Variants in MBD4 observed in about 807,000 individuals in gnomAD.
MBD4 encodes the protein methyl-CpG binding domain 4, DNA glycosylase.
Under a neutral mutation model 60.2 loss-of-function variants are expected in MBD4, and 53 were observed. That is an observed-to-expected ratio of 0.88 (90% confidence interval 0.71 to 1.11). MBD4 has a LOEUF of 1.11. Among genes scored for constraint, MBD4 ranks in the 50% least tolerant of loss-of-function variants. The pLI, the probability that MBD4 is intolerant of heterozygous loss-of-function variation, is 0.00. For missense variants in MBD4, 619 were observed against 674.0 expected, an observed-to-expected ratio of 0.92 and a Z score of 0.90; for synonymous variants, 231 against 229.8, an observed-to-expected ratio of 1.01 and a Z score of -0.05.
chr3:129,436,723 G>A lies in MBD4; in HGVS notation c.921C>T (p.Asn307=), dbSNP rs1165572864. Reference sequence around the variant, plus strand: ...ATCTTTCTTTTTTTTTTACAAGGCTGTTTTCTTCACTGGTCACACTGAGGG... The same window carrying A: ...ATCTTTCTTTTTTTTTTACAAGGCTATTTTCTTCACTGGTCACACTGAGGG... The part of the protein sequence containing the change: ...GETLSVTSEE[N]SLVKKKERSL... Residue 307 remains asparagine, a synonymous_variant, in exon 3 of 8, where the codon AAC becomes AAT. Coordinates refer to ENST00000429544, the MANE Select transcript of MBD4 (RefSeq NM_001276270.2). The A allele has an allele frequency of 6.2e-7, 1 of 1,613,630 alleles. No individual in the cohort carries two copies. The highest frequency in any genetic ancestry group is 1.3e-5 in the African/African-American group (1 of 74,914).
intron 7 of MBD4, 151 bp from the exon 8 acceptor site, chr3:129,431,729 T>C (rs1457301918): frequency 1.5e-5 from 10 of 673,138 alleles, no homozygotes; most frequent in Middle Eastern, 4.0e-4. Context: ...CTGGGATTCA[T>C]GAATATTTTA....
rs1446658169 is a variant in MBD4 at position 129,434,094 on chromosome 3, C to A, written c.1226G>T (p.Ser409Ile). ...PRTQIERRKTSLYFSSKYNKE... is the reference protein window; with the variant it reads ...PRTQIERRKTILYFSSKYNKE... ...GTTATATTTGCTGGAAAAATACAGG[C>A]TTGTTTTCCTTCTTTCTATCTGTGT... Residue 409 changes from serine to isoleucine, a missense_variant, in exon 4 of 8, where the codon AGC becomes ATC. Transcript: ENST00000429544. 6.2e-7 allele frequency: 1 copy of A among 1,613,974 alleles called. No homozygotes were observed.
intron 3 of MBD4, 24 bp from the exon 4 acceptor site, chr3:129,434,160 T>C: frequency 3.8e-6 from 6 of 1,566,534 alleles, no homozygotes; most frequent in Non-Finnish European, 5.3e-6. Context: ...GTAAACACTT[T>C]ATGGAGTCTA....
chr3:129,432,667 G>A (rs575263006), intron 6 of MBD4, 61 bp from the exon 7 acceptor site: 2 of 1,476,160 alleles, frequency 1.4e-6, no homozygotes, highest in Middle Eastern at 1.7e-4. Context: ...CCCAAAATGT[G>A]TGGTGATGGG....
chr3:129,436,933 AAT>A lies in MBD4; in HGVS notation c.709_710del (p.Ile237PhefsTer7). On this transcript the variant is annotated frameshift_variant, in exon 3 of 8. Transcript: ENST00000429544. LOFTEE classifies it high-confidence loss of function. The part of the protein sequence containing the change: ...KVRKPKGKVT[I>X]LKGIPIKKTK... Reference sequence around the variant, plus strand: ...TTTTCTTAATTGGGATTCCTTTCAAAATAGTCACCTTTCCTTTGGGCTTTCTA... The same window carrying A: ...TTTTCTTAATTGGGATTCCTTTCAAAAGTCACCTTTCCTTTGGGCTTTCTA... The A allele has an allele frequency of 6.2e-7, 1 of 1,614,166 alleles. No individual in the cohort carries two copies. The highest frequency in any genetic ancestry group is 8.5e-7 in the Non-Finnish European group (1 of 1,180,040).
chr3:129,437,145 G>A lies in MBD4; in HGVS notation c.499C>T (p.Leu167=), dbSNP rs1190450465. The change falls in exon 3 of 8, where the codon CTA becomes TTA. Residue 167 remains leucine (L), a synonymous_variant. Coordinates refer to ENST00000429544, the MANE Select transcript of MBD4 (RefSeq NM_001276270.2). Reference sequence around the variant, plus strand: ...TTTGAATTGTTACTTTGGTTTTGTAGATGGGATGTCAGGGCTGCCATGCTG... The same window carrying A: ...TTTGAATTGTTACTTTGGTTTTGTAAATGGGATGTCAGGGCTGCCATGCTG... ...DCSMAALTSH[L]QNQSNNSNWN... is the part of the protein sequence containing the mutation. 2 of 1,614,050 alleles carry A rather than the reference G, an allele frequency of 1.2e-6. No individual in the cohort carries two copies. Among genetic ancestry groups the A allele is most frequent in the African/African-American group, 1.3e-5 (1 of 75,038 alleles).
At chr3:129,437,413 A>C (rs1054174079) in intron 2 of MBD4, 105 bp from the exon 3 acceptor site, 1 of 913,058 alleles carries the variant, frequency 1.1e-6, no homozygotes, top group Non-Finnish European at 1.7e-6. Flanking sequence ...ATGTTGCCAT[A>C]GGTATCTGTC....
At chr3:129,432,120 G>C (rs1221061542) in intron 7 of MBD4, 1 of 1,196,660 alleles carries the variant, frequency 8.4e-7, no homozygotes, top group East Asian at 4.7e-5. Flanking sequence ...CGTAGTCTGA[G>C]ACCACTAAGA....
chr3:129,434,003 T>A lies in MBD4; in HGVS notation c.1259-19A>T. ...CTAAGAGCTAAACAAACATAGTGCA[T>A]CAGAATTGAAAACCCAAAATGGAAT... is the stretch of plus-strand genomic sequence containing the variant. On this transcript the variant is annotated intron_variant, in intron 4 of 7. Coordinates refer to ENST00000429544, the MANE Select transcript of MBD4 (RefSeq NM_001276270.2). The A allele has an allele frequency of 6.2e-7, 1 of 1,614,152 alleles. No individual in the cohort carries two copies. Among genetic ancestry groups the A allele is most frequent in the Non-Finnish European group, 8.5e-7 (1 of 1,180,004 alleles).
At chr3:129,433,338 GT>G (rs1186935515) in intron 5 of MBD4, 91 bp from the exon 6 acceptor site, 18,212 of 1,001,042 alleles carry the variant, frequency 0.018, 2 homozygotes, top group Non-Finnish European at 0.02. Flanking sequence ...CATCCAGAGG[GT>G]TTTTTTTTTT....
In MBD4 at chr3:129,437,720, C is replaced by G; in HGVS notation, c.335G>C (p.Ser112Thr). ...TAGRFDVYFISPQGLKFRSKS... is the reference protein window; with the variant it reads ...TAGRFDVYFITPQGLKFRSKS... ...TATCTTTACCATCTTATATGCTTAC[C>G]TGATAAAGTACACATCAAATCTTCC... Residue 112 changes from serine to threonine, a missense_variant and splice_region_variant, in exon 2 of 8, where the codon AGC becomes ACC. Ser to Thr is a moderately conservative substitution (Grantham distance 58). Coordinates refer to ENST00000429544, the MANE Select transcript of MBD4 (RefSeq NM_001276270.2). 1 of 1,606,074 alleles carries G rather than the reference C, an allele frequency of 6.2e-7. No homozygotes were observed. The highest frequency in any genetic ancestry group is 8.5e-7 in the Non-Finnish European group (1 of 1,172,674).
At position 129,436,704 on chromosome 3, in the gene MBD4, C is replaced by G. The variant is rs1577064889; in HGVS notation, c.940G>C (p.Glu314Gln). Residue 314 changes from glutamate (E) to glutamine (Q), a missense_variant, in exon 3 of 8, where the codon GAA (glutamate) becomes CAA (glutamine). Coordinates refer to ENST00000429544, the MANE Select transcript of MBD4 (RefSeq NM_001276270.2). The part of the protein sequence containing the change: ...SEENSLVKKK[E>Q]RSLSSGSNFC... ...TTTGATCCTGAACTCAATGATCTTT[C>G]TTTTTTTTTTACAAGGCTGTTTTCT... 1 of 1,495,332 alleles carries G rather than the reference C, an allele frequency of 6.7e-7. No homozygotes were observed. The highest frequency in any genetic ancestry group is 9.2e-7 in the Non-Finnish European group (1 of 1,088,744). 92.6% of individuals were successfully genotyped at this position (1,495,332 alleles called of 1,614,324 possible).
rs570744897 is a variant in MBD4 at position 129,439,881 on chromosome 3, G to A, written c.-48C>T. ...ACGAGCCCAGCGCCGCAACGCCCAG[G>A]GTGTGGGGCGGAGTAAGATGTGAAA... is the stretch of plus-strand genomic sequence containing the variant. On this transcript the variant is annotated 5_prime_UTR_variant, in exon 1 of 8. Coordinates refer to ENST00000429544, the MANE Select transcript of MBD4 (RefSeq NM_001276270.2). 15 of 1,279,682 alleles carry A rather than the reference G, an allele frequency of 1.2e-5. 2 individuals carry two copies. The highest frequency in any genetic ancestry group is 1.1e-4 in the South Asian group (9 of 82,260). The allele number at this position is 1,279,682 out of a possible 1,614,324, so 79.3% of individuals were successfully genotyped here. A position where few individuals can be genotyped will look rare whatever the true frequency, so the allele number is the denominator to read the frequency against.
chr3:129,437,873 C>T lies in MBD4; in HGVS notation c.182G>A (p.Cys61Tyr), dbSNP rs1379423679. 1.2e-6 allele frequency: 2 copies of T among 1,613,788 alleles called. No homozygotes were observed. Among genetic ancestry groups the T allele is most frequent in the African/African-American group, 1.3e-5 (1 of 74,932 alleles). Residue 61 changes from cysteine (C) to tyrosine (Y), a missense_variant, in exon 2 of 8, where the codon TGT (cysteine) becomes TAT (tyrosine). Transcript: ENST00000429544. ...GATGGGTTCTTGTAGCAAGGGATTA[C>T]ATTCACTGCTTCTTTTTATCATCAT... Reference protein sequence around the residue: ...EQMMIKRSSECNPLLQEPIAS... With the variant: ...EQMMIKRSSEYNPLLQEPIAS...
chr3:129,437,200 T>C lies in MBD4; in HGVS notation c.444A>G (p.Lys148=), dbSNP rs1253720516. ...PEDFDFTVLS[K]RGIKSRYKDC... is the part of the protein sequence containing the mutation. Reference sequence around the variant, plus strand: ...CTTTATATCTTGACTTGATACCCCTTTTAGAAAGTACAGTAAAATCAAAAT... The same window carrying C: ...CTTTATATCTTGACTTGATACCCCTCTTAGAAAGTACAGTAAAATCAAAAT... Residue 148 remains lysine (K), a synonymous_variant, in exon 3 of 8, where the codon AAA becomes AAG. Transcript: ENST00000429544. 6.2e-7 allele frequency: 1 copy of C among 1,613,736 alleles called. No individual in the cohort carries two copies.
chr3:129,432,159 CA>C (rs1284415501), intron 7 of MBD4: 15 of 1,333,154 alleles, frequency 1.1e-5, no homozygotes, highest in Admixed American at 6.4e-5. Flanking sequence ...ATTGCAGGCC[CA>C]AACCTTCCTG....
chr3:129,433,112 A>G lies in MBD4; in HGVS notation c.1529T>C (p.Ile510Thr). The change falls in exon 6 of 8, where the codon ATT becomes ACT. Residue 510 changes from isoleucine (I) to threonine (T), a missense_variant. Physicochemically the swap from Ile to Thr is moderately conservative, Grantham distance 89. Coordinates refer to ENST00000429544, the MANE Select transcript of MBD4 (RefSeq NM_001276270.2). ...TAGGAAAATACCTGAGAACTTGACA[A>G]TGGTTTTTGCCCGAAGATCGTAGAG... The part of the protein sequence containing the change: ...LGLYDLRAKT[I>T]VKFSDEYLTK... 1 of 1,614,186 alleles carries G rather than the reference A, an allele frequency of 6.2e-7. No homozygotes were observed. Among genetic ancestry groups the G allele is most frequent in the Non-Finnish European group, 8.5e-7 (1 of 1,180,028 alleles).
chr3:129,438,477 G>A (rs1363279149), intron 1 of MBD4, among the ~76,000 whole-genome samples: 1 of 152,092 alleles, frequency 6.6e-6, no homozygotes, highest in African/African-American at 2.4e-5. Flanking sequence ...GATCCTCATG[G>A]TAACCTTGTA....
rs748834984 is a variant in MBD4 at position 129,436,481 on chromosome 3, G to C, written c.1163C>G (p.Pro388Arg). 14 of 1,614,052 alleles carry C rather than the reference G, an allele frequency of 8.7e-6. No individual in the cohort carries two copies. The highest frequency in any genetic ancestry group is 8.5e-7 in the Non-Finnish European group (1 of 1,179,974). ...RGSEMDNNCS[P>R]TRKDFTEDTI... ...CTCACCAGTGAAGTCTTTCCTGGTT[G>C]GTGAGCAGTTGTTGTCCATTTCAGA... The change falls in exon 3 of 8, where the codon CCA becomes CGA. Residue 388 changes from proline (P) to arginine (R), a missense_variant. By Grantham distance (103) the Pro-to-Arg change is moderately radical (BLOSUM62 -2). Coordinates refer to ENST00000429544, the MANE Select transcript of MBD4 (RefSeq NM_001276270.2).
Sources: gnomAD v4.1 joint callset for allele counts (sites outside exome capture counted in the v4.1 genomes callset) on GRCh38, gnomAD v4.1.1 for gene constraint, MANE v1.5 for transcripts, NCBI Gene and HGNC (gene_info 2026-07-23, HGNC 2026-07-21) for gene names.